Variants in KIF1B observed in about 807,000 individuals in gnomAD.
The protein encoded by KIF1B is kinesin family member 1B.
Under a neutral mutation model 241.9 loss-of-function variants are expected in KIF1B, and 76 were observed. The observed-to-expected ratio is 0.31, with a 90% CI of 0.26 to 0.38. The LOEUF (loss-of-function observed/expected upper bound fraction) is 0.38. Ranked by LOEUF, KIF1B falls within the 10% of genes least tolerant of loss-of-function variation. The pLI, the probability that KIF1B is intolerant of heterozygous loss-of-function variation, is 1.00. For missense variants in KIF1B, 1,622 were observed against 2,271.4 expected, an observed-to-expected ratio of 0.71 and a Z score of 5.81; for synonymous variants, 750 against 796.7, an observed-to-expected ratio of 0.94 and a Z score of 0.99.
At chr1:10,215,172 A>ATATT (rs1377684765) in intron 1 of KIF1B, among the ~76,000 whole-genome samples, 69 of 45,350 alleles carry the variant, frequency 1.5e-3, no homozygotes, top group East Asian at 6.0e-3. Flanking sequence ...ATATATATAT[A>ATATT]TTTTTTTTTT....
chr1:10,273,697 C>T (rs1486972605), intron 10 of KIF1B, among the ~76,000 whole-genome samples: 1 of 102,006 alleles, frequency 9.8e-6, no homozygotes, highest in Non-Finnish European at 1.8e-5. Context: ...TACTCCCTTT[C>T]CTCCTCCTCC....
At chr1:10,330,983 G>A (rs1447786824) in intron 27 of KIF1B, among the ~76,000 whole-genome samples, 1 of 152,138 alleles carries the variant, frequency 6.6e-6, no homozygotes, top group Non-Finnish European at 1.5e-5. Context: ...GCGTGAGGCT[G>A]GGTGTGGTAG....
intron 22 of KIF1B, 32 bp downstream of exon 22, chr1:10,297,278 A>T: frequency 6.3e-7 from 1 of 1,589,590 alleles, no homozygotes; most frequent in Non-Finnish European, 8.6e-7. Flanking sequence ...AACTGTTGGG[A>T]AAAGGGCAGC....
At chr1:10,269,689 G>T (rs1478424062) in intron 7 of KIF1B, among the ~76,000 whole-genome samples, 1 of 151,934 alleles carries the variant, frequency 6.6e-6, no homozygotes, top group African/African-American at 2.4e-5. Context: ...GTCATGGTGT[G>T]TGCCGGTAAT....
chr1:10,294,488 C>T (rs898850901), intron 17 of KIF1B, among the ~76,000 whole-genome samples: 3 of 152,012 alleles, frequency 2.0e-5, no homozygotes, highest in Non-Finnish European at 4.4e-5. Context: ...ATAATTATTC[C>T]GTTCAGAGAA....
chr1:10,361,841 A>G lies in KIF1B; in HGVS notation c.4304+16A>G, dbSNP rs774809702. 6.2e-7 allele frequency: 1 copy of G among 1,613,154 alleles called. No individual in the cohort carries two copies. Among genetic ancestry groups the G allele is most frequent in the South Asian group, 1.1e-5 (1 of 91,084 alleles). On this transcript the variant is annotated intron_variant, in intron 40 of 48. Transcript: ENST00000676179. The stretch of plus-strand genomic sequence containing the variant: ...CACCAGATTCGTAAGTTTTTCACAC[A>G]AGTTAGCTTCCAGTGTGTTTGTTCA...
chr1:10,289,631 C>T (rs1287103245), intron 15 of KIF1B, among the ~76,000 whole-genome samples: 2 of 152,270 alleles, frequency 1.3e-5, no homozygotes, highest in East Asian at 1.9e-4. Context: ...CACCTGTAAT[C>T]CCAGCACTTT....
intron 38 of KIF1B, among the ~76,000 whole-genome samples, chr1:10,356,898 CTAAATAAATAAA>C (rs61266375): frequency 2.9e-4 from 43 of 149,192 alleles, no homozygotes; most frequent in Non-Finnish European, 6.1e-4. Context: ...GACTCCGTCT[CTAAATAAATAAA>C]TAAATAAATA....
intron 3 of KIF1B, among the ~76,000 whole-genome samples, chr1:10,256,703 A>C (rs11121536): frequency 6.9e-6 from 1 of 145,270 alleles, no homozygotes; most frequent in Non-Finnish European, 1.5e-5. Flanking sequence ...TAATAATAAT[A>C]ATTATTATTA....
Position 10,303,137 on chromosome 1 carries a change from C to A in KIF1B, c.2115+5891C>A. The A allele has an allele frequency of 6.3e-7, 1 of 1,594,728 alleles. No individual in the cohort carries two copies. Among genetic ancestry groups the A allele is most frequent in the Non-Finnish European group, 8.5e-7 (1 of 1,172,584 alleles). The stretch of plus-strand genomic sequence containing the variant: ...ATTTTAATTTTGGTTATTTTGGGGC[C>A]ATTTTTTGATTTTGTTTTTCCAAAG... On this transcript the variant is annotated intron_variant, in intron 22 of 48. Coordinates refer to ENST00000676179, the MANE Select transcript of KIF1B (RefSeq NM_001365951.3). The surrounding 1 kb of genome is among the most constrained non-coding windows in gnomAD (Gnocchi z 5.2).
At chr1:10,298,366 A>G (rs1258137195) in intron 22 of KIF1B, among the ~76,000 whole-genome samples, 1 of 152,236 alleles carries the variant, frequency 6.6e-6, no homozygotes, top group Non-Finnish European at 1.5e-5. Context: ...CTTGAGCACA[A>G]GCAACCTTTT....
At chr1:10,307,795 G>A (rs1650902877) in intron 22 of KIF1B, 1 of 1,038,334 alleles carries the variant, frequency 9.6e-7, no homozygotes, top group Admixed American at 5.6e-5. Context: ...ATATAGAGGA[G>A]TCCTAATTAA....
intron 38 of KIF1B, among the ~76,000 whole-genome samples, chr1:10,357,128 CT>C (rs1224527064): frequency 2.0e-5 from 3 of 152,182 alleles, no homozygotes; most frequent in Non-Finnish European, 2.9e-5. Context: ...GATCTTCCCA[CT>C]TTTATCTCCC....
intron 25 of KIF1B, among the ~76,000 whole-genome samples, chr1:10,324,450 C>T (rs1056302499): frequency 2.6e-5 from 4 of 151,896 alleles, no homozygotes; most frequent in African/African-American, 9.7e-5. Context: ...GAGGTATTTC[C>T]CCCGTCTCAG....
rs561225639 is a variant in KIF1B, at chr1:10,363,397, T to C, written c.4366+53T>C. The C allele has an allele frequency of 2.7e-6, 4 of 1,459,876 alleles. No homozygotes were observed. In the South Asian group the frequency reaches 3.4e-5, roughly 12 times the overall value. 90.4% of individuals were successfully genotyped at this position (1,459,876 alleles called of 1,614,324 possible). On this transcript the variant is annotated intron_variant, in intron 41 of 48. Coordinates refer to ENST00000676179, the MANE Select transcript of KIF1B (RefSeq NM_001365951.3). ...TAGTTATCTTTGTGTATGTTTCAAGTATCCTGTATTTAGGCTGGGCACGGT... is the reference window on the plus strand; with the variant it reads ...TAGTTATCTTTGTGTATGTTTCAAGCATCCTGTATTTAGGCTGGGCACGGT...
rs33994083 is a variant in KIF1B, at chr1:10,313,548, A to ATTTT, written c.2116-6478_2116-6475dup. Among the ~76,000 whole-genome samples, 29 of 121,402 alleles carry ATTTT rather than the reference A, an allele frequency of 2.4e-4. 1 individual carries two copies. The highest frequency in any genetic ancestry group is 2.8e-4 in the Non-Finnish European group (17 of 60,268). 79.6% of individuals were successfully genotyped at this position (121,402 alleles called of 152,430 possible). A position where few individuals can be genotyped will look rare whatever the true frequency, so the allele number is the denominator to read the frequency against. Reference sequence around the variant, plus strand: ...TGGGGCATATTTTGAACTAGTTAGGATTTTTTTTTTTTTTTTTTTTGAGAT... The same window carrying ATTTT: ...TGGGGCATATTTTGAACTAGTTAGGATTTTTTTTTTTTTTTTTTTTTTTTGAGAT... On this transcript the variant is annotated intron_variant, in intron 22 of 48. Coordinates refer to ENST00000676179, the MANE Select transcript of KIF1B (RefSeq NM_001365951.3).
rs1398781974 is a variant in KIF1B at position 10,380,842 on chromosome 1, CTG to C, written c.*4259_*4260del. 1 of 220,532 alleles carries C rather than the reference CTG, an allele frequency of 4.5e-6. No homozygotes were observed. The highest frequency in any genetic ancestry group is 2.2e-5 in the African/African-American group (1 of 44,588). 13.7% of individuals were successfully genotyped at this position (220,532 alleles called of 1,614,324 possible). A position where few individuals can be genotyped will look rare whatever the true frequency, so the allele number is the denominator to read the frequency against. Reference sequence around the variant, plus strand: ...ACCCCAGTGTGTGGCCAGACCATGACTGTGTAGCAGGAATGTTTTAATTTGTG... The same window carrying C: ...ACCCCAGTGTGTGGCCAGACCATGACTGTAGCAGGAATGTTTTAATTTGTG... On this transcript the variant is annotated 3_prime_UTR_variant, in exon 49 of 49. Transcript: ENST00000676179.
chr1:10,308,409 T>A, intron 22 of KIF1B: 1 of 1,046,938 alleles, frequency 9.6e-7, no homozygotes, highest in Non-Finnish European at 1.2e-6. Context: ...CCATTATTAC[T>A]GTAAAATGAA....
In KIF1B at chr1:10,290,473, G is replaced by A. The variant is rs527918880; in HGVS notation, c.1435-609G>A. On this transcript the variant is annotated intron_variant, in intron 15 of 48. Coordinates refer to ENST00000676179, the MANE Select transcript of KIF1B (RefSeq NM_001365951.3). ...AAACAAAAGCAGTAAATACGTTTGG[G>A]AACTTTATTCTTTTTTTTCTTTTTT... Among the ~76,000 whole-genome samples the A allele has an allele frequency of 3.3e-3, 503 of 152,060 alleles. 1 individual carries two copies. Among genetic ancestry groups the A allele is most frequent in the South Asian group, 0.013 (61 of 4,808 alleles).
Sources: allele counts gnomAD v4.1 joint callset (sites outside exome capture counted in the v4.1 genomes callset), GRCh38; gene constraint gnomAD v4.1.1; non-coding constraint Gnocchi (gnomAD v3.1); transcripts MANE v1.5; gene names NCBI Gene and HGNC (gene_info 2026-07-23, HGNC 2026-07-21).